CRHBP: variants seen among roughly 807,000 people sequenced by gnomAD.
The protein encoded by CRHBP is corticotropin releasing hormone binding protein, also known as corticotropin-releasing hormone-binding protein.
In CRHBP, 19 loss-of-function variants were observed where a neutral mutation model predicts 34.9. The ratio of observed to expected loss-of-function variants is 0.55; its 90% CI spans 0.38 to 0.80. CRHBP has a LOEUF of 0.80. Ranked by LOEUF, CRHBP falls within the 30% of genes least tolerant of loss-of-function variation. The probability of loss-of-function intolerance (pLI) is 0.00; values close to 1 mark genes in which losing one functional copy is unlikely to be tolerated. For missense variants in CRHBP, 328 were observed against 409.2 expected (o/e 0.80, Z 1.71); for synonymous variants, 154 against 153.4 (o/e 1.00, Z -0.03).
chr5:76,954,485 G>A (rs1420461533), intron 3 of CRHBP, among the ~76,000 whole-genome samples: 1 of 148,474 alleles, frequency 6.7e-6, no homozygotes, highest in Non-Finnish European at 1.5e-5. Context: ...AACTTCTAAA[G>A]ACTTGAACTC....
chr5:76,977,045 G>A (rs923667436), intron 3 of CRHBP, among the ~76,000 whole-genome samples: 1 of 152,066 alleles, frequency 6.6e-6, no homozygotes, highest in Non-Finnish European at 1.5e-5. Flanking sequence ...CCCTATCCTG[G>A]CCTTTCCAAT....
intron 5 of CRHBP, among the ~76,000 whole-genome samples, chr5:76,961,624 G>T (rs1037726415): frequency 1.3e-5 from 2 of 152,126 alleles, no homozygotes; most frequent in Admixed American, 1.3e-4. Flanking sequence ...TAGTAGGTAG[G>T]CCCTTTAAAA....
intron 6 of CRHBP, among the ~76,000 whole-genome samples, chr5:76,967,179 T>G (rs1408140794): frequency 6.6e-6 from 1 of 151,994 alleles, no homozygotes; most frequent in Admixed American, 6.6e-5. Flanking sequence ...GAGGCAGAGG[T>G]TGCAGCGAGC....
intron 3 of CRHBP, 110 bp downstream of exon 3, chr5:76,954,296 ACTT>A: frequency 7.7e-7 from 1 of 1,293,010 alleles, no homozygotes; most frequent in Admixed American, 2.5e-5. Context: ...AGCCAGTGGC[ACTT>A]CTTAGACACT....
At chr5:76,965,914 C>A (rs1745853274) in intron 6 of CRHBP, among the ~76,000 whole-genome samples, 1 of 152,142 alleles carries the variant, frequency 6.6e-6, no homozygotes, top group African/African-American at 2.4e-5. Flanking sequence ...AACAAAGTAG[C>A]CGAAGCAGGG....
At chr5:76,980,513 C>A (rs1746103599) in intron 3 of CRHBP, among the ~76,000 whole-genome samples, 1 of 152,168 alleles carries the variant, frequency 6.6e-6, no homozygotes, top group African/African-American at 2.4e-5. Context: ...TGTAACAAAT[C>A]AATTCCATTT....
chr5:76,960,931 A>AT (rs201356472), intron 5 of CRHBP, among the ~76,000 whole-genome samples: 42 of 150,834 alleles, frequency 2.8e-4, no homozygotes, highest in African/African-American at 8.0e-4. Flanking sequence ...CACCTGGCTA[A>AT]TTTTTTTTTG....
chr5:76,953,266 A>G, intron 1 of CRHBP, 51 bp downstream of exon 1: 1 of 1,565,072 alleles, frequency 6.4e-7, no homozygotes, highest in South Asian at 1.1e-5. Flanking sequence ...TGTTAGCCCT[A>G]GGCGGCAGGC....
chr5:76,953,851 C>A (rs1326310499), intron 2 of CRHBP, among the ~76,000 whole-genome samples, 157 bp downstream of exon 2: 4 of 152,128 alleles, frequency 2.6e-5, no homozygotes, highest in Non-Finnish European at 4.4e-5. Flanking sequence ...CGGAGGCGCG[C>A]CAGGAGCGGG....
At chr5:76,954,357 C>A (rs1242190096) in intron 3 of CRHBP, among the ~76,000 whole-genome samples, 171 bp downstream of exon 3, 1 of 152,172 alleles carries the variant, frequency 6.6e-6, no homozygotes, top group East Asian at 1.9e-4. Flanking sequence ...CCCCACACGG[C>A]GAGAATCTCG....
At chr5:76,978,123 A>C (rs1746067320) in intron 3 of CRHBP, among the ~76,000 whole-genome samples, 1 of 152,202 alleles carries the variant, frequency 6.6e-6, no homozygotes, top group African/African-American at 2.4e-5. Context: ...CATGAGGTTT[A>C]AGGAAAGAAG....
downstream of CRHBP, among the ~76,000 whole-genome samples, chr5:76,973,103 T>C (rs1745973558): frequency 6.6e-6 from 1 of 152,220 alleles, no homozygotes; most frequent in African/African-American, 2.4e-5. Flanking sequence ...CATTGGACTT[T>C]GTATGAATGA....
intron 4 of CRHBP, 23 bp from the exon 5 acceptor site, chr5:76,958,718 A>ATTTCTT: frequency 6.3e-7 from 1 of 1,595,560 alleles, no homozygotes; most frequent in East Asian, 2.2e-5. Flanking sequence ...GGAAACGTGA[A>ATTTCTT]TTTCTTTTTC....
chr5:76,965,037 T>A (rs1316563301), intron 6 of CRHBP, among the ~76,000 whole-genome samples: 1 of 150,664 alleles, frequency 6.6e-6, no homozygotes, highest in East Asian at 1.9e-4. Flanking sequence ...CACAAAAAAA[T>A]ACAGTATAAC....
intron 5 of CRHBP, among the ~76,000 whole-genome samples, chr5:76,959,682 G>A (rs1449842413): frequency 1.3e-5 from 2 of 152,208 alleles, no homozygotes. Context: ...CTGAGAAAAG[G>A]AGTATATCCA....
rs546904479 is a variant in CRHBP at position 76,957,663 on chromosome 5, C to A, written c.545-1078C>A. Among the ~76,000 whole-genome samples the A allele has an allele frequency of 2.4e-3, 361 of 152,208 alleles. 2 individuals are homozygous for A. Among genetic ancestry groups the A allele is most frequent in the Non-Finnish European group, 2.5e-3 (172 of 68,008 alleles). ...CCTCCCAAAGTGCTGGGATTACAGG[C>A]GTGAGCCACCACTCCCGGCCAATGT... On this transcript the variant is annotated intron_variant, in intron 4 of 6. Coordinates refer to ENST00000274368, the MANE Select transcript of CRHBP (RefSeq NM_001882.4).
At chr5:76,968,620 A>T (rs1745897720) in intron 6 of CRHBP, 108 bp from the exon 7 acceptor site, 1 of 1,118,482 alleles carries the variant, frequency 8.9e-7, no homozygotes, top group Non-Finnish European at 1.3e-6. Flanking sequence ...ACATGAGAGG[A>T]AGATAGGTCT....
chr5:76,955,578 C>T, intron 3 of CRHBP, 75 bp from the exon 4 acceptor site: 3 of 1,377,392 alleles, frequency 2.2e-6, no homozygotes, highest in Non-Finnish European at 3.0e-6. Context: ...GATGACTTTC[C>T]CCCCCTTTTC....
chr5:76,979,011 G>A (rs1746079854), intron 3 of CRHBP, among the ~76,000 whole-genome samples: 1 of 152,198 alleles, frequency 6.6e-6, no homozygotes, highest in Non-Finnish European at 1.5e-5. Context: ...TGCCACAGCT[G>A]TTCCAGCTTT....
Sources: gnomAD v4.1 joint callset for allele counts (sites outside exome capture counted in the v4.1 genomes callset) on GRCh38, gnomAD v4.1.1 for gene constraint, MANE v1.5 for transcripts, NCBI Gene and HGNC (gene_info 2026-07-23, HGNC 2026-07-21) for gene names.